The following RAPGEF6 variants were observed in gnomAD, a reference collection of about 807,000 sequenced individuals.
RAPGEF6 encodes the protein PDZ domain containing guanine nucleotide exchange factor (GEF) 2.
Under a neutral mutation model 171.4 loss-of-function variants are expected in RAPGEF6, and 56 were observed. The observed-to-expected ratio is 0.33, with a 90% CI of 0.26 to 0.41. The LOEUF (loss-of-function observed/expected upper bound fraction) is 0.41. RAPGEF6 is among the 10% of genes least tolerant of loss of function. The pLI is 1.00. For synonymous variants in RAPGEF6, 692 were observed against 650.1 expected (o/e 1.06, Z -0.98); for missense variants, 1,674 against 1,921.4 (o/e 0.87, Z 2.41).
In RAPGEF6 at chr5:131,523,943, T is replaced by C. The variant is rs144669622; in HGVS notation, c.496-2422A>G. On this transcript the variant is annotated intron_variant, in intron 6 of 27. Coordinates refer to ENST00000509018, the MANE Select transcript of RAPGEF6 (RefSeq NM_016340.6). ...AAAAAAACCAGAGTGATTAGATTAC[T>C]TTGGCAGAAGCAATTAAACTGACAG... is the stretch of plus-strand genomic sequence containing the variant. Among the ~76,000 whole-genome samples the C allele has an allele frequency of 2.3e-3, 352 of 152,256 alleles. 1 individual carries two copies. Among genetic ancestry groups the C allele is most frequent in the South Asian group, 4.4e-3 (21 of 4,824 alleles).
chr5:131,584,971 C>G (rs1393512395), intron 4 of RAPGEF6, among the ~76,000 whole-genome samples: 1 of 152,110 alleles, frequency 6.6e-6, no homozygotes, highest in Non-Finnish European at 1.5e-5. Context: ...AGGAGTTTAA[C>G]AACAGGCACA....
chr5:131,453,553 T>C (rs919353745), intron 20 of RAPGEF6, among the ~76,000 whole-genome samples: 1 of 152,072 alleles, frequency 6.6e-6, no homozygotes, highest in East Asian at 1.9e-4. Context: ...ACTGTGCCAC[T>C]ACACTTCAGC....
intron 1 of RAPGEF6, among the ~76,000 whole-genome samples, chr5:131,608,254 T>C (rs1764725156): frequency 6.6e-6 from 1 of 152,220 alleles, no homozygotes; most frequent in Non-Finnish European, 1.5e-5. Flanking sequence ...TTTGGCCCTT[T>C]ATAGAAAAAG....
chr5:131,599,859 C>T (rs1483223895), intron 3 of RAPGEF6, among the ~76,000 whole-genome samples: 2 of 152,108 alleles, frequency 1.3e-5, no homozygotes, highest in African/African-American at 2.4e-5. Flanking sequence ...CATGGCATTA[C>T]AAAAATCAAA....
Position 131,603,321 on chromosome 5 carries a change from C to T in RAPGEF6, c.147G>A (p.Met49Ile), listed in dbSNP as rs1764362726. The T allele has an allele frequency of 1.3e-6, 2 of 1,540,710 alleles. No homozygotes were observed. The highest frequency in any genetic ancestry group is 1.7e-6 in the Non-Finnish European group (2 of 1,147,160). ...SNLREHQLRL[M>I]SARARYERYS... ...ATCTCTCATAGCGTGCTCTTGCAGACATTAATCTATTAAAAAAAAAAATTG... is the reference window on the plus strand; with the variant it reads ...ATCTCTCATAGCGTGCTCTTGCAGATATTAATCTATTAAAAAAAAAAATTG... The change falls in exon 3 of 28, where the codon ATG (methionine) becomes ATA (isoleucine). Residue 49 changes from methionine to isoleucine, a missense_variant. Physicochemically the swap from Met to Ile is conservative, Grantham distance 10. Transcript: ENST00000509018.
intron 4 of RAPGEF6, among the ~76,000 whole-genome samples, chr5:131,579,831 A>G (rs556941436): frequency 6.6e-6 from 1 of 152,320 alleles, no homozygotes; most frequent in East Asian, 1.9e-4. Flanking sequence ...TCCCCACTAG[A>G]TTAGCTAGAT....
rs755610401 is a variant in RAPGEF6 at position 131,429,198 on chromosome 5, G to C, written c.4484C>G (p.Pro1495Arg). The change falls in exon 27 of 28, where the codon CCC (proline) becomes CGC (arginine). Residue 1495 changes from proline to arginine, a missense_variant. Physicochemically the swap from Pro to Arg is moderately radical, Grantham distance 103 (BLOSUM62 -2). Transcript: ENST00000509018. ...CTCCCTATACCTATCGTCCTTCTTGGGTGAGGTGACACAGTACACTGGCAT... is the reference window on the plus strand; with the variant it reads ...CTCCCTATACCTATCGTCCTTCTTGCGTGAGGTGACACAGTACACTGGCAT... ...KGLIVYCVTS[P>R]KKDDRYREPP... 18 of 1,609,688 alleles carry C rather than the reference G, an allele frequency of 1.1e-5. No individual in the cohort carries two copies. Among genetic ancestry groups the C allele is most frequent in the Non-Finnish European group, 1.4e-5 (17 of 1,176,646 alleles).
intron 6 of RAPGEF6, among the ~76,000 whole-genome samples, chr5:131,546,764 A>G (rs1449721464): frequency 6.6e-6 from 1 of 152,224 alleles, no homozygotes; most frequent in Non-Finnish European, 1.5e-5. Context: ...TTTAGTTTAT[A>G]TATTTGTTTT....
At chr5:131,494,967 A>C (rs551034243) in intron 13 of RAPGEF6, among the ~76,000 whole-genome samples, 13 of 152,268 alleles carry the variant, frequency 8.5e-5, no homozygotes, top group African/African-American at 2.2e-4. Context: ...TATAAGCCTG[A>C]GTAACTAAGA....
chr5:131,440,736 T>TG (rs1752329248), intron 23 of RAPGEF6, among the ~76,000 whole-genome samples: 2 of 55,640 alleles, frequency 3.6e-5, no homozygotes, highest in Admixed American at 2.6e-4. Context: ...AGACTCTGTC[T>TG]CAAAAAAAAA....
chr5:131,480,942 T>A (rs529766485), intron 15 of RAPGEF6, among the ~76,000 whole-genome samples: 46 of 151,790 alleles, frequency 3.0e-4, no homozygotes, highest in East Asian at 2.3e-3. Context: ...TTTTTTTTTT[T>A]AATTTTGAGA....
At chr5:131,504,318 C>T (rs905102608) in intron 11 of RAPGEF6, among the ~76,000 whole-genome samples, 1 of 151,992 alleles carries the variant, frequency 6.6e-6, no homozygotes, top group Admixed American at 6.6e-5. Flanking sequence ...AAAAATTAGC[C>T]AGGCATGGTG....
Position 131,442,331 on chromosome 5 carries a change from T to A in RAPGEF6, c.3610+18A>T. 6.3e-7 allele frequency: 1 copy of A among 1,585,898 alleles called. No individual in the cohort carries two copies. Among genetic ancestry groups the A allele is most frequent in the Non-Finnish European group, 8.6e-7 (1 of 1,164,530 alleles). ...AAATTTCAGGTAAACGGATGTAATA[T>A]TAATGGTGAATACTCACTCAGTGCA... On this transcript the variant is annotated intron_variant, in intron 23 of 27. Coordinates refer to ENST00000509018, the MANE Select transcript of RAPGEF6 (RefSeq NM_016340.6).
At chr5:131,599,372 C>A (rs1764091699) in intron 3 of RAPGEF6, among the ~76,000 whole-genome samples, 1 of 151,924 alleles carries the variant, frequency 6.6e-6, no homozygotes, top group African/African-American at 2.4e-5. Context: ...AACAAAAAAA[C>A]TCAAACTACA....
intron 1 of RAPGEF6, among the ~76,000 whole-genome samples, chr5:131,610,555 G>A (rs958404907): frequency 6.6e-6 from 1 of 152,186 alleles, no homozygotes; most frequent in Non-Finnish European, 1.5e-5. Context: ...GCATTAGCCT[G>A]AGAAGAATGA....
intron 25 of RAPGEF6, among the ~76,000 whole-genome samples, chr5:131,432,076 A>G (rs914734482): frequency 6.6e-6 from 1 of 152,144 alleles, no homozygotes; most frequent in African/African-American, 2.4e-5. Flanking sequence ...CCAACAGCCT[A>G]TTTTTGTATG....
intron 16 of RAPGEF6, among the ~76,000 whole-genome samples, chr5:131,477,352 T>C (rs1425291208): frequency 6.6e-6 from 1 of 152,246 alleles, no homozygotes; most frequent in African/African-American, 2.4e-5. Context: ...CAGGTTAATA[T>C]AAACTTCTGC....
chr5:131,464,460 A>G, intron 17 of RAPGEF6, 179 bp from the exon 18 acceptor site: 1 of 533,338 alleles, frequency 1.9e-6, no homozygotes, highest in Non-Finnish European at 3.2e-6. Context: ...TTTTTTTCAG[A>G]TAACAAATCA....
intron 4 of RAPGEF6, among the ~76,000 whole-genome samples, chr5:131,576,661 C>T (rs1387949712): frequency 1.3e-5 from 2 of 152,174 alleles, no homozygotes; most frequent in South Asian, 2.1e-4. Context: ...CTGTCCCTCA[C>T]GACCAGTTTT....
Sources: allele counts gnomAD v4.1 joint callset (sites outside exome capture counted in the v4.1 genomes callset), GRCh38; gene constraint gnomAD v4.1.1; transcripts MANE v1.5; gene names NCBI Gene and HGNC (gene_info 2026-07-23, HGNC 2026-07-21).